CEP70: variants seen among roughly 807,000 people sequenced by gnomAD.
CEP70 encodes the protein centrosomal protein of 70 kDa.
In CEP70, 70 loss-of-function variants were observed where a neutral mutation model predicts 90.9. The ratio of observed to expected loss-of-function variants is 0.77; its 90% CI spans 0.64 to 0.94. CEP70 has a LOEUF of 0.94. CEP70 is among the 40% of genes least tolerant of loss of function. CEP70 has a pLI of 0.00. For missense variants in CEP70, 648 were observed against 669.0 expected (o/e 0.97, Z 0.35); for synonymous variants, 220 against 228.3 (o/e 0.96, Z 0.33).
At chr3:138,537,592 G>C (rs189371198) in intron 6 of CEP70, among the ~76,000 whole-genome samples, 39 of 152,154 alleles carry the variant, frequency 2.6e-4, no homozygotes, top group African/African-American at 8.4e-4. Context: ...GTGCATTCAA[G>C]ACATTTCTTA....
intron 11 of CEP70, among the ~76,000 whole-genome samples, chr3:138,510,296 G>A (rs568384706): frequency 7.2e-5 from 11 of 152,032 alleles, no homozygotes; most frequent in South Asian, 2.1e-4. Flanking sequence ...AGCTGGATAT[G>A]GTGGCGCATG....
chr3:138,500,460 A>G lies in CEP70; in HGVS notation c.1476T>C (p.Val492=), dbSNP rs758548463. Residue 492 remains valine, a synonymous_variant, in exon 15 of 18, where the codon GTT becomes GTC. Transcript: ENST00000264982. ...LNGVYPRMNE[V]YTRLGEMNNA... ...TGTTCATTTCTCCAAGCCTAGTATA[A>G]ACTTCATTCATTCGGGGATAGACTC... The G allele has an allele frequency of 1.2e-6, 2 of 1,611,152 alleles. No individual in the cohort carries two copies. The highest frequency in any genetic ancestry group is 8.5e-7 in the Non-Finnish European group (1 of 1,179,336).
At chr3:138,576,684 T>C (rs565655713) in intron 2 of CEP70, among the ~76,000 whole-genome samples, 20 of 152,266 alleles carry the variant, frequency 1.3e-4, no homozygotes, top group Non-Finnish European at 2.2e-4. Context: ...TATTCAAAAA[T>C]TGACCACTTA....
intron 6 of CEP70, among the ~76,000 whole-genome samples, chr3:138,550,985 A>G (rs908648828): frequency 2.0e-5 from 3 of 152,206 alleles, no homozygotes; most frequent in Non-Finnish European, 2.9e-5. Context: ...CAGCCTTGCT[A>G]AAGACCTAGA....
At chr3:138,522,604 A>G (rs1298833304) in intron 11 of CEP70, among the ~76,000 whole-genome samples, 1 of 152,232 alleles carries the variant, frequency 6.6e-6, no homozygotes, top group Admixed American at 6.5e-5. Context: ...ACCTCTACGC[A>G]AATAAACTAG....
intron 17 of CEP70, among the ~76,000 whole-genome samples, chr3:138,495,458 GGTC>G (rs2033894455): frequency 6.6e-6 from 1 of 152,284 alleles, no homozygotes; most frequent in Non-Finnish European, 1.5e-5. Context: ...CTCCTCCCTA[GGTC>G]TCCACGTGAG....
Position 138,529,326 on chromosome 3 carries a change from G to A in CEP70, c.781-39C>T, listed in dbSNP as rs78689172. On this transcript the variant is annotated intron_variant, in intron 9 of 17. Transcript: ENST00000264982. ...CATAGAAAAATAATTAACTTTCTTA[G>A]ATTACTTAGTTTATTAAAAAGTATT... The A allele has an allele frequency of 4.4e-4, 682 of 1,562,650 alleles. 2 individuals carry two copies. The African/African-American group carries it at 8.4e-3, about 19-fold the overall frequency.
At chr3:138,572,725 C>CTTTAGTAA (rs1401194584) in intron 3 of CEP70, 134 bp downstream of exon 3, 25 of 693,540 alleles carry the variant, frequency 3.6e-5, no homozygotes, top group African/African-American at 7.2e-5. Context: ...TAAACCATTT[C>CTTTAGTAA]ATAGTCTTTA....
chr3:138,526,321 G>C (rs751904836), intron 10 of CEP70, among the ~76,000 whole-genome samples: 3 of 151,646 alleles, frequency 2.0e-5, no homozygotes, highest in Non-Finnish European at 2.9e-5. Flanking sequence ...CCACCACACC[G>C]GGCTGATTTT....
At chr3:138,584,781 G>A (rs1394760967) in intron 2 of CEP70, among the ~76,000 whole-genome samples, 2 of 151,344 alleles carry the variant, frequency 1.3e-5, no homozygotes, top group Non-Finnish European at 2.9e-5. Context: ...AAAAAAACTA[G>A]GTATAAAAGG....
intron 12 of CEP70, among the ~76,000 whole-genome samples, chr3:138,507,997 A>G (rs902185395): frequency 2.6e-5 from 4 of 152,204 alleles, no homozygotes; most frequent in Non-Finnish European, 4.4e-5. Flanking sequence ...ATGATCTATA[A>G]AACTAGGAAG....
intron 6 of CEP70, among the ~76,000 whole-genome samples, chr3:138,553,910 A>T (rs2107978647): frequency 6.6e-6 from 1 of 152,294 alleles, no homozygotes; most frequent in African/African-American, 2.4e-5. Context: ...ATTTAACAAA[A>T]TCCAGGCCAG....
chr3:138,547,522 A>G (rs1218493712), intron 6 of CEP70, among the ~76,000 whole-genome samples: 2 of 152,232 alleles, frequency 1.3e-5, no homozygotes, highest in Non-Finnish European at 2.9e-5. Flanking sequence ...CGTTCTCACC[A>G]TAGATCTTAG....
In CEP70 at chr3:138,581,064, C is replaced by T. The variant is rs185880511; in HGVS notation, c.-5-8132G>A. Among the ~76,000 whole-genome samples the T allele has an allele frequency of 1.8e-3, 276 of 151,942 alleles. 2 individuals are homozygous for T. Among genetic ancestry groups the T allele is most frequent in the Non-Finnish European group, 2.4e-3 (162 of 67,950 alleles). On this transcript the variant is annotated intron_variant, in intron 2 of 17. Transcript: ENST00000264982. ...CTCTGGGAGGCCAAGGCAGGTGGAT[C>T]ACCTAAGGTCAGGAGTTCGAGACCA...
intron 12 of CEP70, among the ~76,000 whole-genome samples, chr3:138,506,032 T>C (rs753594879): frequency 2.0e-5 from 3 of 152,216 alleles, no homozygotes; most frequent in Non-Finnish European, 4.4e-5. Flanking sequence ...GGTTCAAAAA[T>C]TGTTAGTATT....
Position 138,525,541 on chromosome 3 carries a change from A to C in CEP70, c.893T>G (p.Leu298Arg). ...CAGCTTCTTCACCTGCTGTTTATAA[A>C]GTCTTAATTCATGCTGCGTAGGCCT... is the stretch of plus-strand genomic sequence containing the variant. ...ETRPTQHELR[L>R]YKQQVKKLEK... The change falls in exon 11 of 18, where the codon CTT becomes CGT. Residue 298 changes from leucine (L) to arginine (R), a missense_variant. Physicochemically the swap from Leu to Arg is moderately radical, Grantham distance 102. Coordinates refer to ENST00000264982, the MANE Select transcript of CEP70 (RefSeq NM_024491.4). 1 of 1,417,456 alleles carries C rather than the reference A, an allele frequency of 7.1e-7. No homozygotes were observed. Among genetic ancestry groups the C allele is most frequent in the Non-Finnish European group, 9.3e-7 (1 of 1,076,874 alleles). The allele number at this position is 1,417,456 out of a possible 1,614,324, so 87.8% of individuals were successfully genotyped here.
chr3:138,589,149 G>C (rs1015146430), intron 2 of CEP70, among the ~76,000 whole-genome samples: 1 of 152,018 alleles, frequency 6.6e-6, no homozygotes, highest in Non-Finnish European at 1.5e-5. Flanking sequence ...GGTTTCATAG[G>C]TGTATATGTA....
chr3:138,571,204 A>T (rs1172824794), intron 4 of CEP70, 47 bp from the exon 5 acceptor site: 1 of 1,556,614 alleles, frequency 6.4e-7, no homozygotes, highest in Non-Finnish European at 8.7e-7. Context: ...TAAAAGGCAA[A>T]AAAAATTTTT....
In CEP70 at chr3:138,508,535, C is replaced by A; in HGVS notation, c.954G>T (p.Glu318Asp). 1 of 1,594,922 alleles carries A rather than the reference C, an allele frequency of 6.3e-7. No individual in the cohort carries two copies. Among genetic ancestry groups the A allele is most frequent in the Non-Finnish European group, 8.6e-7 (1 of 1,162,842 alleles). The change falls in exon 12 of 18, where the codon GAG (glutamate) becomes GAT (aspartate). Residue 318 changes from glutamate (E) to aspartate (D), a missense_variant. Physicochemically the swap from Glu to Asp is conservative, Grantham distance 45. Coordinates refer to ENST00000264982, the MANE Select transcript of CEP70 (RefSeq NM_024491.4). ...CCTCAGCCTTCTTATGATTAATAAG[C>A]TCCTGTAATCTAAAAGGGGGAAAAA... is the stretch of plus-strand genomic sequence containing the variant. ...KALKKNVKLQELINHKKAEDT... is the reference protein window; with the variant it reads ...KALKKNVKLQDLINHKKAEDT...
Sources: gnomAD v4.1 joint callset for allele counts (sites outside exome capture counted in the v4.1 genomes callset) on GRCh38, gnomAD v4.1.1 for gene constraint, MANE v1.5 for transcripts, NCBI Gene and HGNC (gene_info 2026-07-23, HGNC 2026-07-21) for gene names.